SNTG1: variants seen among roughly 807,000 people sequenced by gnomAD.
The protein encoded by SNTG1 is gamma-1-syntrophin.
In SNTG1, 39 loss-of-function variants were observed where a neutral mutation model predicts 74.7. That is an observed-to-expected ratio of 0.52 (90% CI 0.40 to 0.68). SNTG1 has a LOEUF of 0.68. SNTG1 is among the 30% of genes least tolerant of loss of function. The pLI is 0.00. For synonymous variants in SNTG1, 254 were observed against 217.1 expected, an observed-to-expected ratio of 1.17 and a Z score of -1.49; for missense variants, 685 against 609.5, an observed-to-expected ratio of 1.12 and a Z score of -1.30.
At chr8:49,974,845 T>C (rs1476994239) in intron 1 of SNTG1, among the ~76,000 whole-genome samples, 1 of 152,182 alleles carries the variant, frequency 6.6e-6, no homozygotes, top group African/African-American at 2.4e-5. Flanking sequence ...TATTATGGCA[T>C]AAAAGAATCT....
At chr8:50,653,323 T>C (rs2095160140) in intron 13 of SNTG1, among the ~76,000 whole-genome samples, 2 of 152,154 alleles carry the variant, frequency 1.3e-5, no homozygotes, top group African/African-American at 4.8e-5. Flanking sequence ...TGTAGTCTTA[T>C]CAGGAGGCTG....
At chr8:50,217,597 A>G (rs1382536359) in intron 2 of SNTG1, among the ~76,000 whole-genome samples, 1 of 151,870 alleles carries the variant, frequency 6.6e-6, no homozygotes, top group East Asian at 1.9e-4. Flanking sequence ...ATTTAATTAC[A>G]GGATCTAGAA....
At chr8:50,703,229 A>G (rs146615377) in intron 15 of SNTG1, among the ~76,000 whole-genome samples, 2 of 152,288 alleles carry the variant, frequency 1.3e-5, no homozygotes, top group African/African-American at 4.8e-5. Flanking sequence ...TAAAACACAA[A>G]CACATTATGT....
intron 8 of SNTG1, among the ~76,000 whole-genome samples, chr8:50,484,834 G>T (rs1390764934): frequency 6.6e-6 from 1 of 151,096 alleles, no homozygotes; most frequent in South Asian, 2.1e-4. Flanking sequence ...ACTCCAACCT[G>T]GGCAACAAGA....
At chr8:50,557,388 C>A (rs150555928) in intron 12 of SNTG1, among the ~76,000 whole-genome samples, 56 of 152,256 alleles carry the variant, frequency 3.7e-4, no homozygotes, top group African/African-American at 1.3e-3. Flanking sequence ...CCAAAATTTC[C>A]TAAAACAATT....
chr8:50,533,689 A>G (rs924378810), intron 10 of SNTG1, among the ~76,000 whole-genome samples: 13 of 152,228 alleles, frequency 8.5e-5, no homozygotes, highest in African/African-American at 3.1e-4. Context: ...GGTCTATAAT[A>G]TGAAATACAT....
In SNTG1 at chr8:50,235,546, T is replaced by A. The variant is rs117540481; in HGVS notation, c.-28+62911T>A. Among the ~76,000 whole-genome samples, 351 of 152,276 alleles carry A rather than the reference T, an allele frequency of 2.3e-3. 1 individual carries two copies. The highest frequency in any genetic ancestry group is 4.2e-3 in the Non-Finnish European group (289 of 68,014). ...TTTCTAAGAAAAAAATGTACAGTGA[T>A]CTGTGAGTGAGTGGAAATCAATCAA... On this transcript the variant is annotated intron_variant, in intron 2 of 18. Transcript: ENST00000642720.
At chr8:50,003,458 A>AAAAG (rs1455041875) in intron 1 of SNTG1, among the ~76,000 whole-genome samples, 1 of 152,198 alleles carries the variant, frequency 6.6e-6, no homozygotes. Flanking sequence ...GATCACTTTT[A>AAAAG]ATTAAATTCT....
At position 50,049,234 on chromosome 8, in the gene SNTG1, G is replaced by A. The variant is rs118142918; in HGVS notation, c.-102-123327G>A. On this transcript the variant is annotated intron_variant, in intron 1 of 18. Coordinates refer to ENST00000642720, the MANE Select transcript of SNTG1 (RefSeq NM_018967.5). Reference sequence around the variant, plus strand: ...TTTAAAAGACAGGCTAACAGAATGCGCAAGGAAACAAGATCCAACTGCATT... The same window carrying A: ...TTTAAAAGACAGGCTAACAGAATGCACAAGGAAACAAGATCCAACTGCATT... Among the ~76,000 whole-genome samples, 98 of 152,076 alleles carry A rather than the reference G, an allele frequency of 6.4e-4. No individual in the cohort carries two copies. In the East Asian group the frequency reaches 7.0e-3, roughly 11 times the overall value.
At chr8:50,324,272 C>T (rs1239974573) in intron 2 of SNTG1, among the ~76,000 whole-genome samples, 2 of 152,184 alleles carry the variant, frequency 1.3e-5, no homozygotes, top group African/African-American at 4.8e-5. Flanking sequence ...TGTAAAGTCC[C>T]TCAGTTGCTG....
At chr8:50,087,583 A>G (rs1823013838) in intron 1 of SNTG1, among the ~76,000 whole-genome samples, 1 of 152,134 alleles carries the variant, frequency 6.6e-6, no homozygotes, top group Non-Finnish European at 1.5e-5. Context: ...GCCAAACCAT[A>G]TAATAGTCTA....
intron 9 of SNTG1, among the ~76,000 whole-genome samples, chr8:50,513,851 C>A (rs907839052): frequency 6.6e-6 from 1 of 152,206 alleles, no homozygotes; most frequent in Non-Finnish European, 1.5e-5. Flanking sequence ...TTCCCTGACC[C>A]CTTGCACTTC....
chr8:49,966,379 C>A (rs979265594), intron 1 of SNTG1, among the ~76,000 whole-genome samples: 1 of 151,296 alleles, frequency 6.6e-6, no homozygotes, highest in Non-Finnish European at 1.5e-5. Flanking sequence ...TTATTCCAGT[C>A]TTTTTTTAAA....
In SNTG1 at chr8:50,490,524, T is replaced by G. The variant is rs187551118; in HGVS notation, c.364-12254T>G. Among the ~76,000 whole-genome samples the G allele has an allele frequency of 2.8e-3, 431 of 152,310 alleles. 2 individuals carry two copies. Among genetic ancestry groups the G allele is most frequent in the African/African-American group, 0.01 (419 of 41,556 alleles). ...ATTCCTAGGTATTTTATTCTCCTTG[T>G]GCAATTGTGAATGGGAATTCACTCA... On this transcript the variant is annotated intron_variant, in intron 8 of 18. Transcript: ENST00000642720.
chr8:50,065,350 A>C, intron 1 of SNTG1, among the ~76,000 whole-genome samples: 1 of 152,192 alleles, frequency 6.6e-6, no homozygotes, highest in East Asian at 1.9e-4. Flanking sequence ...AAACAATTTT[A>C]ATTTTACATA....
intron 4 of SNTG1, among the ~76,000 whole-genome samples, chr8:50,429,119 T>G (rs2131511228): frequency 6.6e-6 from 1 of 152,146 alleles, no homozygotes; most frequent in Admixed American, 6.5e-5. Flanking sequence ...CCCAGCTAAT[T>G]TCCTTGCAGG....
At chr8:50,401,781 G>T (rs1465423000) in intron 3 of SNTG1, among the ~76,000 whole-genome samples, 1 of 152,084 alleles carries the variant, frequency 6.6e-6, no homozygotes, top group East Asian at 1.9e-4. Flanking sequence ...TTCTAAAATT[G>T]ATTACAGTGA....
chr8:50,780,755 G>A (rs1483893823), intron 18 of SNTG1, among the ~76,000 whole-genome samples: 1 of 152,116 alleles, frequency 6.6e-6, no homozygotes, highest in Non-Finnish European at 1.5e-5. Context: ...TCTTTTGAAT[G>A]TGTTTGCTCT....
intron 13 of SNTG1, 98 bp downstream of exon 13, chr8:50,591,015 G>A: frequency 1.3e-6 from 1 of 770,398 alleles, no homozygotes; most frequent in Non-Finnish European, 2.0e-6. Flanking sequence ...AGAAATAATT[G>A]GTACTGTCAT....
Sources: gnomAD v4.1 joint callset for allele counts (sites outside exome capture counted in the v4.1 genomes callset) on GRCh38, gnomAD v4.1.1 for gene constraint, MANE v1.5 for transcripts, NCBI Gene and HGNC (gene_info 2026-07-23, HGNC 2026-07-21) for gene names.